The following SMAD6 variants were observed in gnomAD, a reference collection of about 807,000 sequenced individuals.
SMAD6 encodes the protein MAD homolog 6.
Under a neutral mutation model 39.4 loss-of-function variants are expected in SMAD6, and 103 were observed. The observed-to-expected ratio is 2.62, with a 90% confidence interval of 2.23 to 3.08. The LOEUF is 3.08. SMAD6 is among the 30% of genes most tolerant of loss of function. The pLI, the probability that SMAD6 is intolerant of heterozygous loss-of-function variation, is 0.00. For synonymous variants in SMAD6, 445 were observed against 353.3 expected, an observed-to-expected ratio of 1.26 and a Z score of -2.91; for missense variants, 1,104 against 742.9, an observed-to-expected ratio of 1.49 and a Z score of -5.65.
chr15:66,737,715 A>AG (rs1893738564), intron 3 of SMAD6, among the ~76,000 whole-genome samples: 1 of 152,100 alleles, frequency 6.6e-6, no homozygotes, highest in African/African-American at 2.4e-5. Context: ...AAAGGAAAAA[A>AG]AAAAAAGCAA....
chr15:66,703,826 A>ACG lies in SMAD6; in HGVS notation c.570_571dup (p.Leu191ArgfsTer52). ...GCGGCTCAAGGAGCGCTCGCTGGAC[A>ACG]CGCTGCTGGAGGCGGTGGAGTCCCG... On this transcript the variant is annotated frameshift_variant, in exon 1 of 4. Coordinates refer to ENST00000288840, the MANE Select transcript of SMAD6 (RefSeq NM_005585.5). LOFTEE classifies it high-confidence loss of function. 1 of 1,416,778 alleles carries ACG rather than the reference A, an allele frequency of 7.1e-7. No homozygotes were observed. The highest frequency in any genetic ancestry group is 9.3e-7 in the Non-Finnish European group (1 of 1,074,142). 87.8% of individuals were successfully genotyped at this position (1,416,778 alleles called of 1,614,324 possible).
chr15:66,719,463 A>T (rs1270046094), intron 3 of SMAD6, among the ~76,000 whole-genome samples: 1 of 151,576 alleles, frequency 6.6e-6, no homozygotes, highest in Non-Finnish European at 1.5e-5. Context: ...CTGGCCTTCC[A>T]TCTCCCGGAG....
At chr15:66,740,801 A>G (rs1170430351) in intron 3 of SMAD6, 2 of 152,218 alleles carry the variant, frequency 1.3e-5, no homozygotes, top group Non-Finnish European at 2.9e-5. Flanking sequence ...AGTTGAGTGA[A>G]TGATCTTTGC....
chr15:66,770,259 G>A (rs1894357875), intron 3 of SMAD6, among the ~76,000 whole-genome samples: 1 of 152,188 alleles, frequency 6.6e-6, no homozygotes, highest in Admixed American at 6.5e-5. Flanking sequence ...AGATTAACCA[G>A]GGACTTCAGG....
At chr15:66,730,658 GAGTAGTAATAAC>G (rs1171307659) in intron 3 of SMAD6, among the ~76,000 whole-genome samples, 1 of 152,194 alleles carries the variant, frequency 6.6e-6, no homozygotes, top group Non-Finnish European at 1.5e-5. Context: ...ACAGCAGTAG[GAGTAGTAATAAC>G]AGTGGCTAAA....
At chr15:66,710,663 G>C (rs1426121646) in intron 1 of SMAD6, among the ~76,000 whole-genome samples, 3 of 152,146 alleles carry the variant, frequency 2.0e-5, no homozygotes, top group Non-Finnish European at 4.4e-5. Flanking sequence ...GAAAATGAAG[G>C]GTCATTTCAT....
At chr15:66,758,733 G>GAA (rs34332070) in intron 3 of SMAD6, among the ~76,000 whole-genome samples, 42 of 145,010 alleles carry the variant, frequency 2.9e-4, no homozygotes, top group Admixed American at 4.8e-4. Flanking sequence ...GTCTCCAGAA[G>GAA]AAAAAAAAAA....
chr15:66,758,374 G>T (rs1355927271), intron 3 of SMAD6, among the ~76,000 whole-genome samples: 2 of 152,126 alleles, frequency 1.3e-5, no homozygotes, highest in African/African-American at 4.8e-5. Context: ...AGAACAGCAT[G>T]GCAGGTCCAA....
intron 3 of SMAD6, among the ~76,000 whole-genome samples, chr15:66,750,880 G>A (rs1027265400): frequency 6.6e-6 from 1 of 152,184 alleles, no homozygotes; most frequent in East Asian, 1.9e-4. Flanking sequence ...CAAGCCCCTA[G>A]CAGGCAGGGC....
intron 3 of SMAD6, among the ~76,000 whole-genome samples, chr15:66,724,730 C>A (rs1376947754): frequency 6.6e-6 from 1 of 152,154 alleles, no homozygotes; most frequent in African/African-American, 2.4e-5. Flanking sequence ...ACAATGATCA[C>A]CCCAAGCCCC....
chr15:66,771,442 G>A (rs1894377509), intron 3 of SMAD6, among the ~76,000 whole-genome samples: 1 of 152,212 alleles, frequency 6.6e-6, no homozygotes, highest in African/African-American at 2.4e-5. Context: ...CAAGCAGGCT[G>A]CAGTCAGGGC....
At chr15:66,743,326 G>T (rs1008883037) in intron 3 of SMAD6, among the ~76,000 whole-genome samples, 1 of 152,124 alleles carries the variant, frequency 6.6e-6, no homozygotes, top group Non-Finnish European at 1.5e-5. Flanking sequence ...CATTCTCTTG[G>T]AGTAGCTGAG....
At chr15:66,774,463 G>GA (rs1217688482) in intron 3 of SMAD6, among the ~76,000 whole-genome samples, 1 of 152,112 alleles carries the variant, frequency 6.6e-6, no homozygotes, top group African/African-American at 2.4e-5. Flanking sequence ...CTGTGCAGGG[G>GA]AGAAGGCCTA....
intron 3 of SMAD6, among the ~76,000 whole-genome samples, chr15:66,731,437 CA>C (rs58387784): frequency 3.9e-4 from 49 of 126,804 alleles, no homozygotes; most frequent in Middle Eastern, 4.5e-3. Flanking sequence ...GACTCCGTCT[CA>C]AAAAAAAAAA....
chr15:66,746,509 G>T (rs547731622), intron 3 of SMAD6, among the ~76,000 whole-genome samples: 5 of 152,266 alleles, frequency 3.3e-5, no homozygotes, highest in East Asian at 1.9e-4. Context: ...TTGCTCTAGG[G>T]GGGTGGGGGG....
At chr15:66,711,844 C>G in intron 2 of SMAD6, 120 bp downstream of exon 2, 1 of 806,244 alleles carries the variant, frequency 1.2e-6, no homozygotes, top group African/African-American at 1.9e-5. Context: ...GGGGTGAAAG[C>G]CGGACTGGTT....
intron 3 of SMAD6, among the ~76,000 whole-genome samples, chr15:66,760,632 G>T (rs1326201545): frequency 2.6e-5 from 4 of 152,186 alleles, no homozygotes; most frequent in Non-Finnish European, 5.9e-5. Context: ...CTAGGAAGTG[G>T]CAGAGCTAGG....
intron 3 of SMAD6, among the ~76,000 whole-genome samples, chr15:66,754,820 A>G (rs1894069278): frequency 6.6e-6 from 1 of 152,192 alleles, no homozygotes; most frequent in African/African-American, 2.4e-5. Flanking sequence ...TGAAAAGGAC[A>G]GAATGAGGCT....
chr15:66,721,799 T>G (rs546804669), intron 3 of SMAD6, among the ~76,000 whole-genome samples: 17 of 152,260 alleles, frequency 1.1e-4, no homozygotes, highest in African/African-American at 4.1e-4. Flanking sequence ...CTCAAGGTAT[T>G]CACAGATAGG....
Sources: allele counts gnomAD v4.1 joint callset (sites outside exome capture counted in the v4.1 genomes callset), GRCh38; gene constraint gnomAD v4.1.1; transcripts MANE v1.5; gene names NCBI Gene and HGNC (gene_info 2026-07-23, HGNC 2026-07-21).